VSIG10: variants seen among roughly 807,000 people sequenced by gnomAD.
The protein encoded by VSIG10 is V-set and immunoglobulin domain containing 10.
Under a neutral mutation model 58.7 loss-of-function variants are expected in VSIG10, and 48 were observed. The ratio of observed to expected loss-of-function variants is 0.82; its 90% CI spans 0.65 to 1.04. The LOEUF is 1.04. Among genes scored for constraint, VSIG10 ranks in the 50% least tolerant of loss-of-function variants. The pLI is 0.00. For synonymous variants in VSIG10, 260 were observed against 267.1 expected (o/e 0.97, Z 0.26); for missense variants, 628 against 670.0 (o/e 0.94, Z 0.69).
At chr12:118,076,769 C>T (rs2032745193) in intron 4 of VSIG10, among the ~76,000 whole-genome samples, 1 of 152,102 alleles carries the variant, frequency 6.6e-6, no homozygotes, top group Non-Finnish European at 1.5e-5. Context: ...AATACTCTCA[C>T]ATCAGCCTCC....
At chr12:118,066,941 C>G (rs919905590) in intron 8 of VSIG10, among the ~76,000 whole-genome samples, 7 of 152,072 alleles carry the variant, frequency 4.6e-5, no homozygotes, top group Non-Finnish European at 8.8e-5. Flanking sequence ...TCACCTGAAA[C>G]GCCCTCTCTC....
intron 2 of VSIG10, among the ~76,000 whole-genome samples, chr12:118,092,877 C>T (rs1435867596): frequency 3.3e-5 from 5 of 152,080 alleles, no homozygotes; most frequent in Non-Finnish European, 7.4e-5. Context: ...CTCAAATCAT[C>T]CGTCCGCCTC....
At chr12:118,090,855 C>T (rs2033273293) in intron 2 of VSIG10, among the ~76,000 whole-genome samples, 1 of 152,110 alleles carries the variant, frequency 6.6e-6, no homozygotes, top group Non-Finnish European at 1.5e-5. Flanking sequence ...TACTTCCAGG[C>T]CAGATGCAGT....
intron 1 of VSIG10, among the ~76,000 whole-genome samples, chr12:118,096,728 T>G (rs1390368964): frequency 1.3e-5 from 2 of 150,122 alleles, no homozygotes; most frequent in East Asian, 4.1e-4. Context: ...ACCATATGTG[T>G]TCTTAAGATG....
chr12:118,092,104 G>A (rs1470191299), intron 2 of VSIG10, among the ~76,000 whole-genome samples: 1 of 151,838 alleles, frequency 6.6e-6, no homozygotes, highest in Non-Finnish European at 1.5e-5. Context: ...TGTAGCCCAG[G>A]GTGGAGTACA....
In VSIG10 at chr12:118,068,487, T is replaced by C. The variant is rs1165356561; in HGVS notation, c.1457A>G (p.Glu486Gly). Residue 486 changes from glutamate (E) to glycine (G), a missense_variant, in exon 8 of 9, where the codon GAG becomes GGG. Glu to Gly is a moderately conservative substitution (Grantham distance 98). Coordinates refer to ENST00000359236, the MANE Select transcript of VSIG10 (RefSeq NM_019086.6). ...AAVGEQEGAREREELPKEIPK... is the reference protein window; with the variant it reads ...AAVGEQEGARGREELPKEIPK... ...TATTTCTTTTGGCAACTCCTCTCTCTCACGTGCTCCCTCCTGTTCCCCTAC... is the reference window on the plus strand; with the variant it reads ...TATTTCTTTTGGCAACTCCTCTCTCCCACGTGCTCCCTCCTGTTCCCCTAC... 2.5e-6 allele frequency: 4 copies of C among 1,613,568 alleles called. No individual in the cohort carries two copies. In the African/African-American group the frequency reaches 4.0e-5, roughly 16 times the overall value.
At chr12:118,092,962 T>A (rs1486694099) in intron 2 of VSIG10, among the ~76,000 whole-genome samples, 1 of 151,712 alleles carries the variant, frequency 6.6e-6, no homozygotes. Flanking sequence ...GTCACAAATA[T>A]CCTTTTTTTT....
rs527548205 is a variant in VSIG10, at chr12:118,081,084, T to C, written c.664+1043A>G. ...GGGGAGACCCTGTCTCTACTAAAAA[T>C]AGAAAAATTAGTCGGACATGGTGGT... On this transcript the variant is annotated intron_variant, in intron 3 of 8. Transcript: ENST00000359236. Among the ~76,000 whole-genome samples, 3 of 151,744 alleles carry C rather than the reference T, an allele frequency of 2.0e-5. No individual in the cohort carries two copies. The South Asian group carries it at 6.3e-4, about 32-fold the overall frequency.
rs2032599237 is a variant in VSIG10 at position 118,073,819 on chromosome 12, C to T, written c.1099G>A (p.Gly367Ser). The T allele has an allele frequency of 6.2e-7, 1 of 1,613,786 alleles. No individual in the cohort carries two copies. Among genetic ancestry groups the T allele is most frequent in the African/African-American group, 1.3e-5 (1 of 74,892 alleles). Residue 367 changes from glycine to serine, a missense_variant, in exon 5 of 9, where the codon GGC becomes AGC. Transcript: ENST00000359236. ...PSSRHLITQD[G>S]QNSTLTIHNC... ...TGGATAGTGAGGGTGGAGTTCTGGC[C>T]ATCCTGGGTAATGAGATGGCGGCTG...
At chr12:118,095,380 T>C (rs1485002061) in intron 2 of VSIG10, among the ~76,000 whole-genome samples, 153 bp downstream of exon 2, 1 of 152,076 alleles carries the variant, frequency 6.6e-6, no homozygotes, top group African/African-American at 2.4e-5. Flanking sequence ...GGTGAGGAAA[T>C]AGAGGTGTGA....
chr12:118,069,950 C>T (rs192804072), intron 7 of VSIG10, among the ~76,000 whole-genome samples: 1 of 152,288 alleles, frequency 6.6e-6, no homozygotes, highest in Admixed American at 6.5e-5. Context: ...TTTCCTACTA[C>T]ACCACACTGA....
At chr12:118,081,990 C>G in intron 3 of VSIG10, 137 bp downstream of exon 3, 2 of 1,040,288 alleles carry the variant, frequency 1.9e-6, no homozygotes, top group South Asian at 1.9e-5. Flanking sequence ...GCACTCCAGC[C>G]TGGGCAAGAA....
rs755528118 is a variant in VSIG10 at position 118,073,853 on chromosome 12, G to T, written c.1065C>A (p.Ile355=). ...TAATGAGATGGCGGCTGCTAGGCTG[G>T]ATGATCACCTCGGGCTGGGTAAGGT... ...LRNLTQPEVI[I]QPSSRHLITQ... is the part of the protein sequence containing the mutation. The change falls in exon 5 of 9, where the codon ATC becomes ATA. Residue 355 remains isoleucine, a synonymous_variant. Coordinates refer to ENST00000359236, the MANE Select transcript of VSIG10 (RefSeq NM_019086.6). 1.2e-6 allele frequency: 2 copies of T among 1,613,686 alleles called. No homozygotes were observed. Among genetic ancestry groups the T allele is most frequent in the South Asian group, 1.1e-5 (1 of 91,074 alleles).
intron 1 of VSIG10, chr12:118,101,515 C>A (rs1243662863): frequency 6.6e-6 from 1 of 152,110 alleles, no homozygotes; most frequent in African/African-American, 2.4e-5. Flanking sequence ...CCTTCTTGCC[C>A]CCCAACCTTA....
intron 2 of VSIG10, among the ~76,000 whole-genome samples, chr12:118,085,051 G>C (rs1385876915): frequency 6.6e-6 from 1 of 152,060 alleles, no homozygotes; most frequent in Non-Finnish European, 1.5e-5. Flanking sequence ...AGATAAGCTT[G>C]GCAAGACCTA....
At chr12:118,075,710 A>C (rs1194729503) in intron 4 of VSIG10, among the ~76,000 whole-genome samples, 1 of 152,208 alleles carries the variant, frequency 6.6e-6, no homozygotes, top group Non-Finnish European at 1.5e-5. Context: ...GCCTAAGATT[A>C]CTAGGCATTT....
chr12:118,074,057 C>A, intron 4 of VSIG10, 65 bp from the exon 5 acceptor site: 3 of 1,485,700 alleles, frequency 2.0e-6, no homozygotes, highest in Non-Finnish European at 2.7e-6. Flanking sequence ...CTGAGATCTG[C>A]AGGAAAACTG....
intron 4 of VSIG10, among the ~76,000 whole-genome samples, chr12:118,075,179 T>G (rs1015881001): frequency 1.0e-5 from 1 of 99,686 alleles, no homozygotes; most frequent in Non-Finnish European, 2.0e-5. Flanking sequence ...TATGTATATA[T>G]GTGTGTATAT....
chr12:118,079,332 C>T lies in VSIG10; in HGVS notation c.925+14G>A. ...GGGAAACTCCAACCCCAAGACAAAGCAAAACAGACTCACTGATCTGCACCA... is the reference window on the plus strand; with the variant it reads ...GGGAAACTCCAACCCCAAGACAAAGTAAAACAGACTCACTGATCTGCACCA... On this transcript the variant is annotated intron_variant, in intron 4 of 8. Coordinates refer to ENST00000359236, the MANE Select transcript of VSIG10 (RefSeq NM_019086.6). 6.2e-7 allele frequency: 1 copy of T among 1,611,670 alleles called. No homozygotes were observed. The highest frequency in any genetic ancestry group is 8.5e-7 in the Non-Finnish European group (1 of 1,177,980).
Sources: allele counts gnomAD v4.1 joint callset (sites outside exome capture counted in the v4.1 genomes callset), GRCh38; gene constraint gnomAD v4.1.1; transcripts MANE v1.5; gene names NCBI Gene and HGNC (gene_info 2026-07-23, HGNC 2026-07-21).